ACER2: variants seen among roughly 807,000 people sequenced by gnomAD.
The protein encoded by ACER2 is alkCDase 2.
A neutral mutation model predicts 34.7 loss-of-function variants in ACER2; 26 were observed. The ratio of observed to expected loss-of-function variants is 0.75; its 90% confidence interval spans 0.55 to 1.04. The LOEUF is 1.04. Ranked by LOEUF, ACER2 falls within the 50% of genes least tolerant of loss-of-function variation. ACER2 has a pLI of 0.00. For synonymous variants in ACER2, 138 were observed against 132.1 expected (o/e 1.04, Z -0.31); for missense variants, 352 against 340.8 (o/e 1.03, Z -0.26).
chr9:19,419,183 C>T (rs1371224063), intron 1 of ACER2, among the ~76,000 whole-genome samples: 1 of 152,232 alleles, frequency 6.6e-6, no homozygotes, highest in East Asian at 1.9e-4. Flanking sequence ...AAGAGCAAAA[C>T]TCCATCTCAA....
At chr9:19,426,398 T>TCCCC (rs1364176808) in intron 3 of ACER2, among the ~76,000 whole-genome samples, 12 of 143,180 alleles carry the variant, frequency 8.4e-5, no homozygotes, top group East Asian at 2.3e-4. Context: ...CTCTCCTCCT[T>TCCCC]TCCCTTCCCC....
At chr9:19,445,358 A>G (rs150396466) in intron 4 of ACER2, among the ~76,000 whole-genome samples, 1 of 152,358 alleles carries the variant, frequency 6.6e-6, no homozygotes, top group Non-Finnish European at 1.5e-5. Context: ...AGGTGCTGGG[A>G]TACAGCAGTA....
intron 4 of ACER2, among the ~76,000 whole-genome samples, chr9:19,438,834 G>A (rs548189630): frequency 6.6e-6 from 1 of 152,164 alleles, no homozygotes; most frequent in African/African-American, 2.4e-5. Flanking sequence ...TGCCCAGGCT[G>A]GAGTGCAGTA....
rs1250763293 is a variant in ACER2 at position 19,424,386 on chromosome 9, A to T, written c.224-314A>T. ...TCCCACAGGCAGCCTGGGAATTCTT[A>T]ACAGTGAAGGAATGTTGACTTTTAT... On this transcript the variant is annotated intron_variant, in intron 2 of 5. Coordinates refer to ENST00000340967, the MANE Select transcript of ACER2 (RefSeq NM_001010887.3). 4.1e-6 allele frequency: 4 copies of T among 985,294 alleles called. No homozygotes were observed. The African/African-American group carries it at 7.0e-5, about 17-fold the overall frequency. The allele number at this position is 985,294 out of a possible 1,614,324, so 61.0% of individuals were successfully genotyped here. A position where few individuals can be genotyped will look rare whatever the true frequency, so the allele number is the denominator to read the frequency against.
At chr9:19,436,637 G>T (rs1452116616) in intron 4 of ACER2, among the ~76,000 whole-genome samples, 1 of 152,000 alleles carries the variant, frequency 6.6e-6, no homozygotes, top group African/African-American at 2.4e-5. Flanking sequence ...GGAATGTATT[G>T]TAGTCCTCCT....
intron 3 of ACER2, among the ~76,000 whole-genome samples, chr9:19,428,588 T>A (rs755596152): frequency 6.6e-6 from 1 of 151,426 alleles, no homozygotes; most frequent in Non-Finnish European, 1.5e-5. Flanking sequence ...TGAATAACAA[T>A]TAACCTAAAA....
chr9:19,444,609 C>T (rs890352201), intron 4 of ACER2, among the ~76,000 whole-genome samples: 2 of 152,256 alleles, frequency 1.3e-5, no homozygotes, highest in Admixed American at 6.5e-5. Context: ...CGGTTGTGGA[C>T]GAGCTTGCAC....
chr9:19,449,868 G>T (rs1831499781), intron 5 of ACER2, among the ~76,000 whole-genome samples: 1 of 146,192 alleles, frequency 6.8e-6, no homozygotes, highest in Admixed American at 6.9e-5. Context: ...CTCCAGCCTG[G>T]ATGACAGGGT....
chr9:19,430,134 C>G (rs1237086421), intron 3 of ACER2, among the ~76,000 whole-genome samples: 1 of 143,198 alleles, frequency 7.0e-6, no homozygotes, highest in Non-Finnish European at 1.5e-5. Flanking sequence ...TCCCTTTTTA[C>G]TGTGTAAAAA....
chr9:19,427,050 G>A (rs1022007194), intron 3 of ACER2, among the ~76,000 whole-genome samples: 30 of 152,146 alleles, frequency 2.0e-4, no homozygotes, highest in African/African-American at 6.8e-4. Flanking sequence ...TATATCCCTG[G>A]CTTTGGAAGC....
intron 1 of ACER2, 74 bp downstream of exon 1, chr9:19,409,266 G>A: frequency 2.8e-6 from 4 of 1,435,168 alleles, no homozygotes; most frequent in Non-Finnish European, 3.8e-6. Flanking sequence ...GCGTCTGGAA[G>A]CTGGACGTGG....
intron 5 of ACER2, among the ~76,000 whole-genome samples, chr9:19,449,560 C>T (rs1004961211): frequency 5.3e-5 from 8 of 151,912 alleles, no homozygotes; most frequent in Non-Finnish European, 1.2e-4. Flanking sequence ...TAAAAAGATC[C>T]CCTCCTCCCC....
In ACER2 at chr9:19,451,275, G is replaced by C. The variant is rs1250928813; in HGVS notation, c.*639G>C. 1 of 152,576 alleles carries C rather than the reference G, an allele frequency of 6.6e-6. No individual in the cohort carries two copies. Among genetic ancestry groups the C allele is most frequent in the Non-Finnish European group, 1.5e-5 (1 of 68,082 alleles). 9.5% of individuals were successfully genotyped at this position (152,576 alleles called of 1,614,324 possible). A position where few individuals can be genotyped will look rare whatever the true frequency, so the allele number is the denominator to read the frequency against. ...CTGATGACAGACAGACCCTCTGAGAGACAAGACCCTCTGACTCTGTGATGG... is the reference window on the plus strand; with the variant it reads ...CTGATGACAGACAGACCCTCTGAGACACAAGACCCTCTGACTCTGTGATGG... On this transcript the variant is annotated 3_prime_UTR_variant, in exon 6 of 6. Coordinates refer to ENST00000340967, the MANE Select transcript of ACER2 (RefSeq NM_001010887.3).
At chr9:19,422,264 A>T (rs1056351187) in intron 1 of ACER2, among the ~76,000 whole-genome samples, 1 of 151,822 alleles carries the variant, frequency 6.6e-6, no homozygotes, top group Non-Finnish European at 1.5e-5. Context: ...CCACCACTAC[A>T]CTCTAGCCTG....
chr9:19,416,981 T>C (rs1034821786), intron 1 of ACER2, among the ~76,000 whole-genome samples: 2 of 152,286 alleles, frequency 1.3e-5, no homozygotes, highest in South Asian at 2.1e-4. Context: ...GAAAATCCCA[T>C]CCTCTCAGCC....
chr9:19,434,607 C>A (rs1830896603), intron 3 of ACER2, among the ~76,000 whole-genome samples: 1 of 152,248 alleles, frequency 6.6e-6, no homozygotes, highest in Non-Finnish European at 1.5e-5. Context: ...CCCGTCTCCA[C>A]CAAAAAAATA....
In ACER2 at chr9:19,450,903, C is replaced by T. The variant is rs1022255638; in HGVS notation, c.*267C>T. 6 of 278,384 alleles carry T rather than the reference C, an allele frequency of 2.2e-5. No individual in the cohort carries two copies. In the Admixed American group the frequency reaches 2.5e-4, roughly 12 times the overall value. 17.2% of individuals were successfully genotyped at this position (278,384 alleles called of 1,614,324 possible). On this transcript the variant is annotated 3_prime_UTR_variant, in exon 6 of 6. Coordinates refer to ENST00000340967, the MANE Select transcript of ACER2 (RefSeq NM_001010887.3). ...TTGTGCCATACTGGTTTTAAACTTT[C>T]ATGTTGTCACATCTGTTAATCTTTT... is the stretch of plus-strand genomic sequence containing the variant.
At chr9:19,427,791 C>G (rs370877698) in intron 3 of ACER2, among the ~76,000 whole-genome samples, 1 of 152,092 alleles carries the variant, frequency 6.6e-6, no homozygotes, top group Non-Finnish European at 1.5e-5. Flanking sequence ...CTCAGCCTCC[C>G]GAGTAGCTGG....
chr9:19,434,457 C>T (rs550617781), intron 3 of ACER2, among the ~76,000 whole-genome samples: 57 of 152,338 alleles, frequency 3.7e-4, no homozygotes, highest in Middle Eastern at 3.4e-3. Context: ...GCCGAGATCA[C>T]GCCACTGCAC....
Sources: allele counts gnomAD v4.1 joint callset (sites outside exome capture counted in the v4.1 genomes callset), GRCh38; gene constraint gnomAD v4.1.1; transcripts MANE v1.5; gene names NCBI Gene and HGNC (gene_info 2026-07-23, HGNC 2026-07-21).